The following STAG2 variants were observed in gnomAD, a reference collection of about 807,000 sequenced individuals.
The protein encoded by STAG2 is STAG2 cohesin complex component.
STAG2 carries 14 observed loss-of-function variants against 108.1 expected under a neutral mutation model. The ratio of observed to expected loss-of-function variants is 0.13; its 90% CI spans 0.09 to 0.20. STAG2 has a LOEUF of 0.20. Among genes scored for constraint, STAG2 ranks in the 10% least tolerant of loss-of-function variants. The pLI is 1.00. For synonymous variants in STAG2, 307 were observed against 302.7 expected (o/e 1.01, Z -0.15); for missense variants, 440 against 940.9 (o/e 0.47, Z 6.96).
intron 28 of STAG2, among the ~76,000 whole-genome samples, chrX:124,082,568 G>GT (rs1026358581): frequency 1.3e-4 from 14 of 109,885 alleles, no homozygotes; most frequent in Non-Finnish European, 2.1e-4. Flanking sequence ...TTATTATTTT[G>GT]TTTTTTGTAG....
intron 13 of STAG2, among the ~76,000 whole-genome samples, chrX:124,054,818 A>G (rs1268815163): frequency 1.8e-5 from 2 of 111,674 alleles, no homozygotes; most frequent in African/African-American, 3.3e-5. Context: ...CCCAGGTGGT[A>G]TGATCATGGC....
intron 4 of STAG2, among the ~76,000 whole-genome samples, chrX:124,028,800 A>G (rs1421095363): frequency 1.1e-4 from 1 of 9,382 alleles, no homozygotes; most frequent in Non-Finnish European, 3.2e-4. Context: ...TAGTTTATAT[A>G]TATATATATA....
At chrX:124,066,283 T>TA (rs769615820) in intron 22 of STAG2, 21 bp downstream of exon 22, 72 of 1,184,483 alleles carry the variant, frequency 6.1e-5, no homozygotes, top group Non-Finnish European at 7.6e-5. Context: ...ATTTGCTAGT[T>TA]ACACATTTAT....
chrX:123,967,083 C>T (rs1422758304), intron 1 of STAG2, among the ~76,000 whole-genome samples: 2 of 109,350 alleles, frequency 1.8e-5, no homozygotes, highest in African/African-American at 6.7e-5. Flanking sequence ...CAGAGTTTCA[C>T]CATGTTGGTC....
chrX:124,020,769 G>A (rs1405671753), intron 1 of STAG2, among the ~76,000 whole-genome samples: 2 of 112,080 alleles, frequency 1.8e-5, no homozygotes, highest in Non-Finnish European at 3.8e-5. Context: ...GAGTGCAGTG[G>A]CATGATCTCA....
rs773897058 is a variant in STAG2, at chrX:124,061,272, A to G, written c.1465A>G (p.Thr489Ala). The G allele has an allele frequency of 5.8e-6, 7 of 1,208,920 alleles. No individual in the cohort carries two copies. In the Admixed American group the frequency reaches 6.6e-5, roughly 11 times the overall value. The change falls in exon 16 of 35, where the codon ACT becomes GCT. Residue 489 changes from threonine (T) to alanine (A), a missense_variant. Transcript: ENST00000371145. ...TGTGGATAGCATGTGGGACTGTGCT[A>G]CTGAGCTGCTGAAAGACTGGGAATG... ...YLVDSMWDCA[T>A]ELLKDWECMN...
At position 124,061,271 on chromosome X, in the gene STAG2, T is replaced by C. The variant is rs768313464; in HGVS notation, c.1464T>C (p.Ala488=). The stretch of plus-strand genomic sequence containing the variant: ...TTGTGGATAGCATGTGGGACTGTGC[T>C]ACTGAGCTGCTGAAAGACTGGGAAT... ...AYLVDSMWDC[A]TELLKDWECM... Residue 488 remains alanine, a synonymous_variant, in exon 16 of 35, where the codon GCT becomes GCC. Coordinates refer to ENST00000371145, the MANE Select transcript of STAG2 (RefSeq NM_001042750.2). 4 of 1,211,021 alleles carry C rather than the reference T, an allele frequency of 3.3e-6. No homozygotes were observed. The highest frequency in any genetic ancestry group is 1.8e-5 in the South Asian group (1 of 56,909).
chrX:123,965,590 G>C (rs2054059167), intron 1 of STAG2, among the ~76,000 whole-genome samples: 1 of 111,760 alleles, frequency 8.9e-6, no homozygotes, highest in Admixed American at 9.6e-5. Context: ...ACCACCCACA[G>C]TCATATGTGG....
intron 1 of STAG2, among the ~76,000 whole-genome samples, chrX:124,015,939 C>G (rs905282362): frequency 3.6e-5 from 4 of 111,361 alleles, no homozygotes; most frequent in African/African-American, 1.3e-4. Flanking sequence ...ATAAAAGGAA[C>G]ATACCTTTGG....
intron 30 of STAG2, among the ~76,000 whole-genome samples, chrX:124,088,007 T>C (rs763992193): frequency 2.7e-5 from 3 of 112,418 alleles, no homozygotes; most frequent in East Asian, 5.5e-4. Context: ...CCAGTTAAAG[T>C]AGTTAGGGCT....
intron 1 of STAG2, among the ~76,000 whole-genome samples, chrX:124,013,821 A>G (rs1488553888): frequency 9.0e-6 from 1 of 111,317 alleles, no homozygotes; most frequent in Non-Finnish European, 1.9e-5. Flanking sequence ...CAGACGGGGT[A>G]GGATCTTTGG....
At chrX:124,026,617 G>GA in intron 4 of STAG2, 1 of 258,474 alleles carries the variant, frequency 3.9e-6, no homozygotes, top group Non-Finnish European at 8.0e-6. Context: ...GACATACTTT[G>GA]AAAAAGTCTT....
intron 9 of STAG2, among the ~76,000 whole-genome samples, chrX:124,048,626 T>C (rs5956605): frequency 0.064 from 7,075 of 110,833 alleles, 213 homozygotes; most frequent in African/African-American, 0.12. Context: ...GTCGGGGTTT[T>C]GCCATGTTGG....
chrX:124,039,967 G>T (rs1287894438), intron 6 of STAG2, among the ~76,000 whole-genome samples: 4 of 111,205 alleles, frequency 3.6e-5, no homozygotes, highest in Non-Finnish European at 5.6e-5. Flanking sequence ...AAAACTTAAG[G>T]TGTTGAAAAC....
intron 20 of STAG2, among the ~76,000 whole-genome samples, chrX:124,064,301 T>C (rs751351830): frequency 9.0e-6 from 1 of 111,637 alleles, no homozygotes; most frequent in Non-Finnish European, 1.9e-5. Flanking sequence ...TCTGAACAGT[T>C]ACCTGGTTTT....
At chrX:123,961,625 A>G (rs1329272496), upstream of STAG2, 1 of 106,944 alleles carries the variant, frequency 9.4e-6, no homozygotes, top group Non-Finnish European at 1.9e-5. Flanking sequence ...GCGAGGGAAA[A>G]TCTACTCTGA....
chrX:124,091,518 T>A (rs1054314529), intron 32 of STAG2, among the ~76,000 whole-genome samples: 11 of 112,577 alleles, frequency 9.8e-5, no homozygotes, highest in Admixed American at 2.8e-4. Context: ...GCATGCAAGA[T>A]GTTTCAAAAT....
In STAG2 at chrX:124,051,099, CTTT is replaced by C. The variant is rs747648873; in HGVS notation, c.1018-5_1018-3del. ...ATAGAGTTTTAATGCATTGTCTCATCTTTTTTTTTTTTTTTTTTTAGCAAGGTG... is the reference window on the plus strand; with the variant it reads ...ATAGAGTTTTAATGCATTGTCTCATCTTTTTTTTTTTTTTTTAGCAAGGTG... On this transcript the variant is annotated intron_variant, in intron 11 of 34. Coordinates refer to ENST00000371145, the MANE Select transcript of STAG2 (RefSeq NM_001042750.2). 4,170 of 509,016 alleles carry C rather than the reference CTTT, an allele frequency of 8.2e-3. No homozygotes were observed. The highest frequency in any genetic ancestry group is 9.2e-3 in the Non-Finnish European group (3,109 of 339,639). The allele number at this position is 509,016 out of a possible 1,213,427, so 41.9% of individuals were successfully genotyped here.
chrX:124,034,856 AGTT>A (rs762597866), intron 5 of STAG2, among the ~76,000 whole-genome samples: 1,227 of 100,119 alleles, frequency 0.012, 14 homozygotes, highest in African/African-American at 0.017. Context: ...CTATCTCAGT[AGTT>A]GTTGTTGTTG....
Sources: allele counts gnomAD v4.1 joint callset (sites outside exome capture counted in the v4.1 genomes callset), GRCh38; gene constraint gnomAD v4.1.1; transcripts MANE v1.5; gene names NCBI Gene and HGNC (gene_info 2026-07-23, HGNC 2026-07-21).